Variants in HS6ST3 observed in about 807,000 individuals in gnomAD.
The protein encoded by HS6ST3 is heparan sulfate 6-O-sulfotransferase 3.
HS6ST3 carries 12 observed loss-of-function variants against 36.7 expected under a neutral mutation model. The observed-to-expected ratio is 0.33, with a 90% confidence interval of 0.21 to 0.53. The LOEUF is 0.53. Ranked by LOEUF, HS6ST3 falls within the 20% of genes least tolerant of loss-of-function variation. The pLI is 0.95. For missense variants in HS6ST3, 584 were observed against 640.9 expected (o/e 0.91, Z 0.96); for synonymous variants, 240 against 257.5 (o/e 0.93, Z 0.65).
intron 1 of HS6ST3, among the ~76,000 whole-genome samples, chr13:96,312,457 GT>G (rs1415996110): frequency 6.6e-6 from 1 of 151,940 alleles, no homozygotes; most frequent in Non-Finnish European, 1.5e-5. Context: ...ATAAATTATA[GT>G]TTGTTAATTT....
chr13:96,101,104 C>A (rs2053816076), intron 1 of HS6ST3, among the ~76,000 whole-genome samples: 1 of 152,146 alleles, frequency 6.6e-6, no homozygotes, highest in South Asian at 2.1e-4. Flanking sequence ...ACCCCAGAAT[C>A]ATCTGATAAT....
chr13:96,195,867 A>G (rs1410871254), intron 1 of HS6ST3, among the ~76,000 whole-genome samples: 2 of 152,302 alleles, frequency 1.3e-5, no homozygotes, highest in Non-Finnish European at 1.5e-5. Flanking sequence ...TTATGTGAGT[A>G]AATGAAATAA....
At chr13:96,350,651 A>C (rs137897227) in intron 1 of HS6ST3, among the ~76,000 whole-genome samples, 27 of 152,352 alleles carry the variant, frequency 1.8e-4, no homozygotes, top group African/African-American at 6.3e-4. Context: ...AACTGTAGGA[A>C]ATAATGATCC....
chr13:96,241,986 C>T (rs1293720489), intron 1 of HS6ST3, among the ~76,000 whole-genome samples: 6 of 151,674 alleles, frequency 4.0e-5, no homozygotes, highest in African/African-American at 7.3e-5. Context: ...GGGGTTTCAC[C>T]GTGTTAGCCA....
chr13:96,382,220 ATT>A (rs2055344977), intron 1 of HS6ST3, among the ~76,000 whole-genome samples: 3 of 152,154 alleles, frequency 2.0e-5, no homozygotes, highest in Admixed American at 2.0e-4. Flanking sequence ...GGCCTTTTCA[ATT>A]TTATCAGATG....
intron 1 of HS6ST3, among the ~76,000 whole-genome samples, chr13:96,596,600 T>C (rs1346812302): frequency 6.6e-6 from 1 of 152,186 alleles, no homozygotes; most frequent in Non-Finnish European, 1.5e-5. Context: ...GCTTTCCCTT[T>C]TCACTACATC....
At chr13:96,206,690 C>T (rs2054372099) in intron 1 of HS6ST3, among the ~76,000 whole-genome samples, 1 of 152,070 alleles carries the variant, frequency 6.6e-6, no homozygotes, top group South Asian at 2.1e-4. Flanking sequence ...GCAAATCTGA[C>T]AAAAACAAGC....
chr13:96,824,434 A>T (rs1051587650), intron 1 of HS6ST3, among the ~76,000 whole-genome samples: 4 of 152,248 alleles, frequency 2.6e-5, no homozygotes, highest in African/African-American at 9.6e-5. Flanking sequence ...ACTGGCTTAG[A>T]ACATCATTCT....
chr13:96,777,723 A>T (rs555582639), intron 1 of HS6ST3, among the ~76,000 whole-genome samples: 1 of 152,324 alleles, frequency 6.6e-6, no homozygotes, highest in South Asian at 2.1e-4. Context: ...AGGAAGAATC[A>T]ATATCATGAA....
intron 1 of HS6ST3, among the ~76,000 whole-genome samples, chr13:96,338,969 T>C (rs61966936): frequency 0.084 from 12,709 of 152,178 alleles, 580 homozygotes; most frequent in Middle Eastern, 0.12. Context: ...AAATTGGTGA[T>C]CATGATTTTT....
intron 1 of HS6ST3, among the ~76,000 whole-genome samples, chr13:96,774,085 G>C (rs866101514): frequency 3.3e-5 from 5 of 152,218 alleles, no homozygotes; most frequent in South Asian, 2.1e-4. Context: ...GCAGAAAAGG[G>C]GCCTGACTGT....
rs60692669 is a variant in HS6ST3, at chr13:96,132,121, TACACACACACACACAC to T, written c.707+40588_707+40603del. Among the ~76,000 whole-genome samples, 250 of 134,596 alleles carry T rather than the reference TACACACACACACACAC, an allele frequency of 1.9e-3. 1 individual carries two copies. The highest frequency in any genetic ancestry group is 5.4e-3 in the African/African-American group (195 of 36,352). The allele number at this position is 134,596 out of a possible 152,430, so 88.3% of individuals were successfully genotyped here. A position where few individuals can be genotyped will look rare whatever the true frequency, so the allele number is the denominator to read the frequency against. ...TTTTTCAGACTGAATAGTATTCCAG[TACACACACACACACAC>T]ACACACACACACACACACACACACA... On this transcript the variant is annotated intron_variant, in intron 1 of 1. Coordinates refer to ENST00000376705, the MANE Select transcript of HS6ST3 (RefSeq NM_153456.4).
At chr13:96,241,383 C>T (rs1055023565) in intron 1 of HS6ST3, among the ~76,000 whole-genome samples, 2 of 151,850 alleles carry the variant, frequency 1.3e-5, no homozygotes, top group African/African-American at 2.4e-5. Context: ...AACATTGCCT[C>T]ATTCTTTCAA....
At position 96,090,566 on chromosome 13, in the gene HS6ST3, C is replaced by CGGGGCGGGAGCAG. The variant is rs1179635762; in HGVS notation, c.-294_-282dup. ...CGCGCGTCGCCTGAGAGAGCCGCGC[C>CGGGGCGGGAGCAG]GGGGCGGGAGCAGGGAGCGGGCCGG... On this transcript the variant is annotated 5_prime_UTR_variant, in exon 1 of 2. Transcript: ENST00000376705. 2.1e-5 allele frequency among the ~76,000 whole-genome samples: 3 copies of CGGGGCGGGAGCAG among 146,166 alleles called. No homozygotes were observed. The East Asian group carries it at 6.0e-4, about 29-fold the overall frequency.
chr13:96,513,970 G>A (rs1170546426), intron 1 of HS6ST3, among the ~76,000 whole-genome samples: 1 of 152,062 alleles, frequency 6.6e-6, no homozygotes, highest in African/African-American at 2.4e-5. Flanking sequence ...CAGTGTGGTT[G>A]TAGCGTTGTG....
At chr13:96,101,026 G>C (rs547858) in intron 1 of HS6ST3, among the ~76,000 whole-genome samples, 128,076 of 152,086 alleles carry the variant, frequency 0.84, 54,136 homozygotes, top group East Asian at 0.91. Context: ...GGAACAGTTA[G>C]CACAGACAAA....
intron 1 of HS6ST3, among the ~76,000 whole-genome samples, chr13:96,461,658 A>G (rs1377390923): frequency 2.6e-5 from 4 of 152,232 alleles, no homozygotes; most frequent in Non-Finnish European, 1.5e-5. Flanking sequence ...TGCAAGGTGG[A>G]TAAGCTCCAA....
intron 1 of HS6ST3, among the ~76,000 whole-genome samples, chr13:96,328,131 G>A (rs895124542): frequency 4.3e-4 from 61 of 142,140 alleles, no homozygotes; most frequent in Non-Finnish European, 6.9e-4. Context: ...TGCAAACAGG[G>A]ACAATTTGAC....
At chr13:96,467,347 T>C (rs2139496046) in intron 1 of HS6ST3, among the ~76,000 whole-genome samples, 1 of 152,328 alleles carries the variant, frequency 6.6e-6, no homozygotes, top group African/African-American at 2.4e-5. Context: ...AAATCTGTCC[T>C]GAGTCCCGTT....
Sources: gnomAD v4.1 joint callset for allele counts (sites outside exome capture counted in the v4.1 genomes callset) on GRCh38, gnomAD v4.1.1 for gene constraint, MANE v1.5 for transcripts, NCBI Gene and HGNC (gene_info 2026-07-23, HGNC 2026-07-21) for gene names.